DHX15: variants seen among roughly 807,000 people sequenced by gnomAD.
DHX15 encodes DEAH-box helicase 15.
DHX15 carries 11 observed loss-of-function variants against 94.4 expected under a neutral mutation model. The observed-to-expected ratio is 0.12, with a 90% confidence interval of 0.07 to 0.19. The LOEUF (loss-of-function observed/expected upper bound fraction) is 0.19, where lower values mean the gene tolerates loss of function less well. Among genes scored for constraint, DHX15 ranks in the 10% least tolerant of loss-of-function variants. The pLI is 1.00. For synonymous variants in DHX15, 338 were observed against 329.9 expected, an observed-to-expected ratio of 1.02 and a Z score of -0.27; for missense variants, 304 against 988.5, an observed-to-expected ratio of 0.31 and a Z score of 9.29.
rs933887875 is a variant in DHX15, at chr4:24,554,218, G to GA, written c.1080+506dup. 7.5e-5 allele frequency among the ~76,000 whole-genome samples: 11 copies of GA among 146,762 alleles called. No individual in the cohort carries two copies. In the East Asian group the frequency reaches 9.9e-4, roughly 13 times the overall value. On this transcript the variant is annotated intron_variant, in intron 5 of 13. Transcript: ENST00000336812. ...GGGCGACAGCGCAAGACTCCGTCTC[G>GA]AAAAAAAAAAGAAATGCTACATCTG...
At chr4:24,575,733 T>C (rs1009125436) in intron 2 of DHX15, among the ~76,000 whole-genome samples, 1 of 152,180 alleles carries the variant, frequency 6.6e-6, no homozygotes, top group African/African-American at 2.4e-5. Flanking sequence ...TAGTTAATAA[T>C]AGCCCATCCA....
At chr4:24,549,062 A>G (rs1269479161) in intron 5 of DHX15, 40 bp from the exon 6 acceptor site, 8 of 1,534,426 alleles carry the variant, frequency 5.2e-6, no homozygotes, top group Non-Finnish European at 7.1e-6. Context: ...ATACTGAAAC[A>G]TTTTAAAGTA....
In DHX15 at chr4:24,532,881, T is replaced by C. The variant is rs1038093761; in HGVS notation, c.2083A>G (p.Thr695Ala). ...CTACATACCTGCATAAAATACCCAG[T>C]AACCAAAGCTTTTCTTATATTAATA... ...YYINIRKALV[T>A]GYFMQVAHLE... Residue 695 changes from threonine (T) to alanine (A), a missense_variant, in exon 12 of 14, where the codon ACT becomes GCT. Around this residue, in one of 9 missense-constraint regions of DHX15, gnomAD observed 44 missense variants for 236.7 expected, o/e 0.19. Coordinates refer to ENST00000336812, the MANE Select transcript of DHX15 (RefSeq NM_001358.3). The C allele has an allele frequency of 6.2e-7, 1 of 1,607,554 alleles. No individual in the cohort carries two copies. Among genetic ancestry groups the C allele is most frequent in the African/African-American group, 1.3e-5 (1 of 74,466 alleles).
At chr4:24,565,789 C>T (rs189308354) in intron 3 of DHX15, among the ~76,000 whole-genome samples, 1 of 152,302 alleles carries the variant, frequency 6.6e-6, no homozygotes, top group East Asian at 1.9e-4. Flanking sequence ...GCAATGCTGA[C>T]TGATGCACCC....
At chr4:24,534,733 TTGACA>T (rs1641619123) in intron 11 of DHX15, among the ~76,000 whole-genome samples, 2 of 152,176 alleles carry the variant, frequency 1.3e-5, no homozygotes, top group African/African-American at 4.8e-5. Flanking sequence ...AACATTTTAA[TTGACA>T]TGACATTTTA....
intron 11 of DHX15, 88 bp from the exon 12 acceptor site, chr4:24,533,142 A>G: frequency 8.9e-7 from 1 of 1,123,416 alleles, no homozygotes; most frequent in African/African-American, 1.5e-5. Context: ...GTTATAAAGA[A>G]TAAGCTAAAT....
intron 5 of DHX15, among the ~76,000 whole-genome samples, chr4:24,554,218 G>GAA (rs933887875): frequency 1.4e-5 from 2 of 146,720 alleles, no homozygotes; most frequent in African/African-American, 5.0e-5. Flanking sequence ...ACTCCGTCTC[G>GAA]AAAAAAAAAA....
chr4:24,579,755 GGTT>G (rs1248361656), intron 1 of DHX15, among the ~76,000 whole-genome samples: 1 of 152,118 alleles, frequency 6.6e-6, no homozygotes, highest in South Asian at 2.1e-4. Flanking sequence ...GCCCAATATC[GGTT>G]GTTGTTGTTA....
chr4:24,568,327 T>C (rs924487434), intron 3 of DHX15, among the ~76,000 whole-genome samples: 3 of 152,232 alleles, frequency 2.0e-5, no homozygotes, highest in Non-Finnish European at 4.4e-5. Flanking sequence ...ATTTGAAATT[T>C]TTAAATTTTA....
intron 11 of DHX15, among the ~76,000 whole-genome samples, chr4:24,534,733 T>C (rs750774703): frequency 2.6e-5 from 4 of 152,294 alleles, no homozygotes; most frequent in South Asian, 4.1e-4. Context: ...AACATTTTAA[T>C]TGACATGACA....
intron 13 of DHX15, among the ~76,000 whole-genome samples, chr4:24,528,313 G>C (rs1356481184): frequency 2.0e-5 from 3 of 152,104 alleles, no homozygotes; most frequent in Non-Finnish European, 4.4e-5. Flanking sequence ...AAAGATAACA[G>C]ATAAAGTCAC....
At chr4:24,548,140 CTT>C (rs71196189) in intron 6 of DHX15, among the ~76,000 whole-genome samples, 10 of 108,158 alleles carry the variant, frequency 9.2e-5, no homozygotes, top group African/African-American at 2.5e-4. Context: ...ATCAGTGCTA[CTT>C]TTTTTTTTTT....
intron 6 of DHX15, among the ~76,000 whole-genome samples, chr4:24,547,931 A>ATATATATATC (rs1560765890): frequency 6.0e-3 from 218 of 36,258 alleles, no homozygotes; most frequent in African/African-American, 0.027. Flanking sequence ...ATATATATAT[A>ATATATATATC]TATATATATA....
At chr4:24,529,879 T>C (rs975980623) in intron 12 of DHX15, 109 bp from the exon 13 acceptor site, 7 of 1,100,022 alleles carry the variant, frequency 6.4e-6, no homozygotes, top group Admixed American at 4.1e-5. Context: ...TTTCATTCTA[T>C]GGCTATACTT....
At chr4:24,563,081 G>A (rs913083200) in intron 3 of DHX15, 1 of 151,142 alleles carries the variant, frequency 6.6e-6, no homozygotes, top group Non-Finnish European at 1.5e-5. Context: ...AAATGTCCAG[G>A]TATAATTTTT....
chr4:24,529,907 A>C, intron 12 of DHX15, 137 bp from the exon 13 acceptor site: 1 of 905,814 alleles, frequency 1.1e-6, no homozygotes, highest in South Asian at 1.5e-5. Context: ...ACTGTCTGAT[A>C]AAAGCAGAGA....
At chr4:24,582,421 C>T (rs1722436104) in intron 1 of DHX15, among the ~76,000 whole-genome samples, 1 of 152,220 alleles carries the variant, frequency 6.6e-6, no homozygotes, top group Non-Finnish European at 1.5e-5. Context: ...GGTGGGACCA[C>T]TAATCCCAAG....
chr4:24,548,779 C>T (rs1440705446), intron 6 of DHX15, 76 bp downstream of exon 6: 1 of 1,392,064 alleles, frequency 7.2e-7, no homozygotes, highest in African/African-American at 1.5e-5. Flanking sequence ...TAACTTAGTC[C>T]TTTATAACTG....
intron 13 of DHX15, among the ~76,000 whole-genome samples, chr4:24,528,790 T>C (rs1218973466): frequency 3.9e-5 from 6 of 152,200 alleles, no homozygotes; most frequent in Non-Finnish European, 8.8e-5. Context: ...GAAGCTAGTA[T>C]GTTAAAACAC....
Sources: allele counts gnomAD v4.1 joint callset (sites outside exome capture counted in the v4.1 genomes callset), GRCh38; gene constraint gnomAD v4.1.1; regional missense constraint gnomAD v4.1.1; transcripts MANE v1.5; gene names NCBI Gene and HGNC (gene_info 2026-07-23, HGNC 2026-07-21).